SOHLH2: variants seen among roughly 807,000 people sequenced by gnomAD.
SOHLH2 encodes spermatogenesis- and oogenesis-specific basic helix-loop-helix-containing protein 2.
SOHLH2 carries 22 observed loss-of-function variants against 50.4 expected under a neutral mutation model. That is an observed-to-expected ratio of 0.44 (90% CI 0.31 to 0.62). The LOEUF is 0.62. Among genes scored for constraint, SOHLH2 ranks in the 20% least tolerant of loss-of-function variants. The probability of loss-of-function intolerance (pLI) is 0.08; values close to 1 mark genes in which losing one functional copy is unlikely to be tolerated. For synonymous variants in SOHLH2, 185 were observed against 187.3 expected (o/e 0.99, Z 0.10); for missense variants, 412 against 504.4 (o/e 0.82, Z 1.76).
intron 1 of SOHLH2, among the ~76,000 whole-genome samples, chr13:36,203,130 C>A (rs1010926487): frequency 1.3e-5 from 2 of 152,194 alleles, no homozygotes; most frequent in East Asian, 1.9e-4. Flanking sequence ...CTAATTCAAT[C>A]CCTTCTCTGA....
intron 6 of SOHLH2, among the ~76,000 whole-genome samples, chr13:36,181,588 G>A (rs1189375418): frequency 3.3e-5 from 5 of 152,128 alleles, no homozygotes; most frequent in Non-Finnish European, 5.9e-5. Flanking sequence ...TATAACTGCA[G>A]AAGTTATGCA....
chr13:36,188,117 G>A (rs1887473565), intron 6 of SOHLH2, among the ~76,000 whole-genome samples: 1 of 152,170 alleles, frequency 6.6e-6, no homozygotes, highest in African/African-American at 2.4e-5. Context: ...AACCCATGCT[G>A]GCAAAAGTCC....
At chr13:36,202,680 T>C (rs548166255) in intron 1 of SOHLH2, among the ~76,000 whole-genome samples, 64 of 152,356 alleles carry the variant, frequency 4.2e-4, no homozygotes, top group African/African-American at 1.5e-3. Flanking sequence ...CCCAACTTCA[T>C]GTTTTATTTC....
intron 1 of SOHLH2, among the ~76,000 whole-genome samples, chr13:36,213,808 G>A (rs1282860653): frequency 6.6e-6 from 1 of 152,138 alleles, no homozygotes; most frequent in Non-Finnish European, 1.5e-5. Flanking sequence ...GACACTTTGG[G>A]ATGCCACGCC....
intron 1 of SOHLH2, among the ~76,000 whole-genome samples, chr13:36,210,663 T>C (rs13378730): frequency 0.16 from 24,836 of 152,178 alleles, 2,626 homozygotes; most frequent in Middle Eastern, 0.24. Context: ...TCAATCATCA[T>C]GAGCCAATCT....
rs528668005 is a variant in SOHLH2 at position 36,193,729 on chromosome 13, A to G, written c.326-4T>C. 5 of 1,606,878 alleles carry G rather than the reference A, an allele frequency of 3.1e-6. No homozygotes were observed. Among genetic ancestry groups the G allele is most frequent in the Non-Finnish European group, 4.2e-6 (5 of 1,178,374 alleles). On this transcript the variant is annotated splice_polypyrimidine_tract_variant and splice_region_variant and intron_variant, in intron 3 of 10. Transcript: ENST00000379881. ...ATTCCATGCCCTGAAATACAACCTA[A>G]GAATCTTTATATTAAATATTGACCT...
intron 10 of SOHLH2, 30 bp from the exon 11 acceptor site, chr13:36,169,084 A>T (rs776191985): frequency 6.2e-7 from 1 of 1,601,684 alleles, no homozygotes; most frequent in South Asian, 1.1e-5. Context: ...ACCCACATTA[A>T]TTGAATCCTC....
intron 1 of SOHLH2, among the ~76,000 whole-genome samples, chr13:36,210,980 C>T (rs764553756): frequency 6.6e-6 from 1 of 152,134 alleles, no homozygotes; most frequent in South Asian, 2.1e-4. Context: ...AGATTGTTTG[C>T]GAATCTCCAC....
intron 1 of SOHLH2, among the ~76,000 whole-genome samples, chr13:36,210,382 TTTTG>T (rs1327977764): frequency 6.6e-6 from 1 of 152,198 alleles, no homozygotes; most frequent in African/African-American, 2.4e-5. Flanking sequence ...GATTTTCTAC[TTTTG>T]TTTTAGGTGT....
chr13:36,184,492 T>C (rs1239762993), intron 6 of SOHLH2, among the ~76,000 whole-genome samples: 4 of 149,384 alleles, frequency 2.7e-5, no homozygotes, highest in Non-Finnish European at 4.4e-5. Flanking sequence ...GACGGAGTCT[T>C]GCTCTTGCCC....
chr13:36,183,203 G>C, intron 6 of SOHLH2: 1 of 350,114 alleles, frequency 2.9e-6, no homozygotes, highest in Non-Finnish European at 6.3e-6. Context: ...ACAGCCTGCA[G>C]AATCACGAGT....
At chr13:36,184,894 A>G (rs1481795047) in intron 6 of SOHLH2, among the ~76,000 whole-genome samples, 2 of 151,890 alleles carry the variant, frequency 1.3e-5, no homozygotes, top group Non-Finnish European at 2.9e-5. Flanking sequence ...TGCATTAGGT[A>G]TTTGTCCTAA....
chr13:36,191,398 G>C lies in SOHLH2; in HGVS notation c.530+397C>G, dbSNP rs139520737. Among the ~76,000 whole-genome samples the C allele has an allele frequency of 8.0e-3, 1,215 of 152,314 alleles. 9 individuals are homozygous for C. Among genetic ancestry groups the C allele is most frequent in the African/African-American group, 0.024 (1,007 of 41,572 alleles). On this transcript the variant is annotated intron_variant, in intron 5 of 10. Coordinates refer to ENST00000379881, the MANE Select transcript of SOHLH2 (RefSeq NM_017826.3). ...TCGAGAAAGACAATGGGAAGAAGCA[G>C]AGTAGTAGGTGTATAACAGGTGAGG...
At chr13:36,194,285 T>C (rs1460720214) in intron 2 of SOHLH2, among the ~76,000 whole-genome samples, 2 of 151,834 alleles carry the variant, frequency 1.3e-5, no homozygotes, top group African/African-American at 2.4e-5. Flanking sequence ...TTGTATAAAC[T>C]CACAGTTTAA....
chr13:36,180,484 T>G (rs1433501534), intron 6 of SOHLH2, among the ~76,000 whole-genome samples: 2 of 152,164 alleles, frequency 1.3e-5, no homozygotes. Context: ...AAATTTAAAG[T>G]TCCAGGATAC....
chr13:36,206,849 GATA>G (rs935621856), intron 1 of SOHLH2, among the ~76,000 whole-genome samples: 1 of 151,236 alleles, frequency 6.6e-6, no homozygotes. Context: ...AAAGGTTCAT[GATA>G]ATGATATTAT....
In SOHLH2 at chr13:36,173,785, A is replaced by T. The variant is rs773247024; in HGVS notation, c.907T>A (p.Ser303Thr). The change falls in exon 9 of 11, where the codon TCC becomes ACC. Residue 303 changes from serine to threonine, a missense_variant. By Grantham distance (58) the Ser-to-Thr change is moderately conservative. Transcript: ENST00000379881. ...AGGAATTGGAGCCCTCTCTCAGGGG[A>T]GTAAGTGCTCATCACACTGTTTTCC... is the stretch of plus-strand genomic sequence containing the variant. Reference protein sequence around the residue: ...QRENSVMSTYSPERGLQFLTN... With the variant: ...QRENSVMSTYTPERGLQFLTN... 6.2e-7 allele frequency: 1 copy of T among 1,613,984 alleles called. No individual in the cohort carries two copies. Among genetic ancestry groups the T allele is most frequent in the Admixed American group, 1.7e-5 (1 of 60,012 alleles).
At chr13:36,192,000 T>C in intron 4 of SOHLH2, 106 bp from the exon 5 acceptor site, 5 of 1,196,338 alleles carry the variant, frequency 4.2e-6, no homozygotes, top group African/African-American at 1.5e-5. Context: ...TTTTACTCAA[T>C]AGATTTTACA....
chr13:36,183,702 T>C (rs1887322634), intron 6 of SOHLH2, among the ~76,000 whole-genome samples: 1 of 152,148 alleles, frequency 6.6e-6, no homozygotes, highest in Non-Finnish European at 1.5e-5. Context: ...CAAGGGACAC[T>C]CTTTAAATAT....
Sources: allele counts gnomAD v4.1 joint callset (sites outside exome capture counted in the v4.1 genomes callset), GRCh38; gene constraint gnomAD v4.1.1; transcripts MANE v1.5; gene names NCBI Gene and HGNC (gene_info 2026-07-23, HGNC 2026-07-21).